The following AEN variants were observed in gnomAD, a reference collection of about 807,000 sequenced individuals.
AEN encodes the protein apoptosis enhancing nuclease.
Under a neutral mutation model 17.7 loss-of-function variants are expected in AEN, and 21 were observed. The ratio of observed to expected loss-of-function variants is 1.19; its 90% CI spans 0.84 to 1.71. The LOEUF (loss-of-function observed/expected upper bound fraction) is 1.71, where lower values mean the gene tolerates loss of function less well. Ranked by LOEUF, AEN falls within the 40% of genes most tolerant of loss-of-function variation. AEN has a pLI of 0.00. For missense variants in AEN, 462 were observed against 435.9 expected, an observed-to-expected ratio of 1.06 and a Z score of -0.53; for synonymous variants, 190 against 173.0, an observed-to-expected ratio of 1.10 and a Z score of -0.77.
At chr15:88,607,861 G>T in the AEN span, among the ~76,000 whole-genome samples, 1 of 152,186 alleles carries the variant, frequency 6.6e-6, no homozygotes, top group African/African-American at 2.4e-5. Context: ...CTTTTAAAAT[G>T]CTTTTCTCTC....
In AEN at chr15:88,630,839, A is replaced by C. The variant is rs2057918848; in HGVS notation, c.*545A>C. 1 of 247,506 alleles carries C rather than the reference A, an allele frequency of 4.0e-6. No homozygotes were observed. Among genetic ancestry groups the C allele is most frequent in the Non-Finnish European group, 8.4e-6 (1 of 118,752 alleles). The allele number at this position is 247,506 out of a possible 1,614,324, so 15.3% of individuals were successfully genotyped here. ...ATGTCCTGAAGTTAAAGAGGAGTTA[A>C]GTCCTAAAGGAGGCATTTCTTCCCC... On this transcript the variant is annotated 3_prime_UTR_variant, in exon 4 of 4. Coordinates refer to ENST00000332810, the MANE Select transcript of AEN (RefSeq NM_022767.4). This position sits in a 1 kb window ranked among gnomAD's most constrained non-coding sequence, Gnocchi z 5.1.
At position 88,626,231 on chromosome 15, in the gene AEN, G is replaced by T; in HGVS notation, c.22G>T (p.Glu8Ter). MVPREAP[E>*]SAQCLCPSLT... ...TGGAATGGTACCCCGGGAGGCCCCT[G>T]AGTCTGCTCAGTGCCTGTGCCCTTC... Residue 8 changes from glutamate to a stop codon, truncating the protein, a stop_gained, in exon 2 of 4, where the codon GAG (glutamate) becomes TAG (stop). Coordinates refer to ENST00000332810, the MANE Select transcript of AEN (RefSeq NM_022767.4). LOFTEE classifies it high-confidence loss of function. 6.3e-7 allele frequency: 1 copy of T among 1,597,682 alleles called. No homozygotes were observed. Among genetic ancestry groups the T allele is most frequent in the South Asian group, 1.1e-5 (1 of 89,778 alleles).
chr15:88,630,839 A>G lies in AEN; in HGVS notation c.*545A>G. The G allele has an allele frequency of 4.0e-6, 1 of 247,624 alleles. No homozygotes were observed. Among genetic ancestry groups the G allele is most frequent in the South Asian group, 4.5e-5 (1 of 22,136 alleles). The allele number at this position is 247,624 out of a possible 1,614,324, so 15.3% of individuals were successfully genotyped here. ...ATGTCCTGAAGTTAAAGAGGAGTTA[A>G]GTCCTAAAGGAGGCATTTCTTCCCC... On this transcript the variant is annotated 3_prime_UTR_variant, in exon 4 of 4. Transcript: ENST00000332810. The surrounding 1 kb of genome is among the most constrained non-coding windows in gnomAD (Gnocchi z 5.1).
At chr15:88,615,486 G>A in the AEN span, among the ~76,000 whole-genome samples, 7 of 152,118 alleles carry the variant, frequency 4.6e-5, no homozygotes, top group Middle Eastern at 3.2e-3. Flanking sequence ...GGGGAGCTGC[G>A]TGCATAAAAC....
In AEN at chr15:88,630,884, C is replaced by CT. The variant is rs956824597; in HGVS notation, c.*591dup. On this transcript the variant is annotated 3_prime_UTR_variant, in exon 4 of 4. Transcript: ENST00000332810. This position sits in a 1 kb window ranked among gnomAD's most constrained non-coding sequence, Gnocchi z 5.1. ...TTCCCCACCTCCCTGACCTGGAACT[C>CT]TGGCTACAGCCATTGTAGGAACTCC... 16 of 283,956 alleles carry CT rather than the reference C, an allele frequency of 5.6e-5. No homozygotes were observed. The highest frequency in any genetic ancestry group is 3.3e-4 in the African/African-American group (15 of 45,896). 17.6% of individuals were successfully genotyped at this position (283,956 alleles called of 1,614,324 possible).
chr15:88,626,032 G>C lies in AEN; in HGVS notation c.-64-114G>C, dbSNP rs534598900. 1,788 of 650,456 alleles carry C rather than the reference G, an allele frequency of 2.7e-3. 3 individuals are homozygous for C. Among genetic ancestry groups the C allele is most frequent in the Non-Finnish European group, 4.0e-3 (1,606 of 403,656 alleles). The allele number at this position is 650,456 out of a possible 1,614,324, so 40.3% of individuals were successfully genotyped here. On this transcript the variant is annotated intron_variant, in intron 1 of 3. Transcript: ENST00000332810. ...ACTCAATCTGGGAGCCACGAGCTAC[G>C]GTGCAGGGCTCTCGGGCATCCCCAC...
chr15:88,611,808 C>T, the AEN span: 24 of 487,530 alleles, frequency 4.9e-5, no homozygotes, highest in African/African-American at 1.8e-4. Flanking sequence ...GGTCCTCGAA[C>T]GCCTTGCAGA....
At chr15:88,605,313 C>T in the AEN span, among the ~76,000 whole-genome samples, 5 of 152,296 alleles carry the variant, frequency 3.3e-5, no homozygotes, top group African/African-American at 1.2e-4. The surrounding 1 kb of genome is among the most constrained non-coding windows in gnomAD (Gnocchi z 7.6). Context: ...CGGGAGCCGG[C>T]TCTCGCAACC....
At chr15:88,610,309 T>A in the AEN span, among the ~76,000 whole-genome samples, 1 of 146,244 alleles carries the variant, frequency 6.8e-6, no homozygotes, top group Non-Finnish European at 1.5e-5. Flanking sequence ...ACGGGGCTAT[T>A]TTTTTTTTTT....
chr15:88,607,033 T>C, the AEN span, among the ~76,000 whole-genome samples: 5 of 152,180 alleles, frequency 3.3e-5, no homozygotes, highest in Non-Finnish European at 7.3e-5. Context: ...GTGTCTACTG[T>C]AGAGAGAAAC....
At chr15:88,618,796 TATTTATTC>T (rs1443618441), upstream of AEN, among the ~76,000 whole-genome samples, 46 of 152,192 alleles carry the variant, frequency 3.0e-4, 2 homozygotes, top group Non-Finnish European at 4.4e-5. Context: ...TGTATTTATT[TATTTATTC>T]ATTTATTTGT....
At position 88,629,156 on chromosome 15, in the gene AEN, CT is replaced by C. The variant is rs375820344; in HGVS notation, c.541-69del. The C allele has an allele frequency of 4.7e-4, 699 of 1,499,750 alleles. 5 individuals carry two copies. In the African/African-American group the frequency reaches 8.6e-3, roughly 18 times the overall value. The allele number at this position is 1,499,750 out of a possible 1,614,324, so 92.9% of individuals were successfully genotyped here. On this transcript the variant is annotated intron_variant, in intron 2 of 3. Coordinates refer to ENST00000332810, the MANE Select transcript of AEN (RefSeq NM_022767.4). Reference sequence around the variant, plus strand: ...TCCATGCATCTATTGGCCAGGGGTTCTCAGGGCGTGTCTCCTGCCAACCTGA... The same window carrying C: ...TCCATGCATCTATTGGCCAGGGGTTCCAGGGCGTGTCTCCTGCCAACCTGA...
At chr15:88,604,815 CGCACTGCGCTGCTACTT>C in the AEN span, 1 of 152,514 alleles carries the variant, frequency 6.6e-6, no homozygotes, top group Non-Finnish European at 1.5e-5. This position sits in a 1 kb window ranked among gnomAD's most constrained non-coding sequence, Gnocchi z 8.1. Context: ...CCCCCTCCCC[CGCACTGCGCTGCTACTT>C]GCACTGCGGC....
At position 88,631,657 on chromosome 15, in the gene AEN, CTT is replaced by C. The variant is rs576578123; in HGVS notation, c.*1374_*1375del. On this transcript the variant is annotated 3_prime_UTR_variant, in exon 4 of 4. Coordinates refer to ENST00000332810, the MANE Select transcript of AEN (RefSeq NM_022767.4). Reference sequence around the variant, plus strand: ...CTACTGTGAGTTTCTGTTTATCCCCCTTTTTTTTTTTTAAGCCCATTGTTTAT... The same window carrying C: ...CTACTGTGAGTTTCTGTTTATCCCCCTTTTTTTTTTAAGCCCATTGTTTAT... The C allele has an allele frequency of 2.0e-5, 3 of 146,678 alleles. No individual in the cohort carries two copies. The highest frequency in any genetic ancestry group is 3.0e-5 in the Non-Finnish European group (2 of 66,390). The allele number at this position is 146,678 out of a possible 1,614,324, so 9.1% of individuals were successfully genotyped here. A position where few individuals can be genotyped will look rare whatever the true frequency, so the allele number is the denominator to read the frequency against.
At position 88,629,367 on chromosome 15, in the gene AEN, A is replaced by T; in HGVS notation, c.682A>T (p.Thr228Ser). Residue 228 changes from threonine to serine, a missense_variant, in exon 3 of 4, where the codon ACC becomes TCC. Thr to Ser is a moderately conservative substitution (Grantham distance 58, BLOSUM62 1). Coordinates refer to ENST00000332810, the MANE Select transcript of AEN (RefSeq NM_022767.4). ...CTTCCTCAGCGAGCCCGGCCTCCAC[A>T]CCCGGGCCCGGGTCTCTCTAAAGGA... is the stretch of plus-strand genomic sequence containing the variant. ...PNFLSEPGLH[T>S]RARVSLKDLA... 2 of 1,613,804 alleles carry T rather than the reference A, an allele frequency of 1.2e-6. No homozygotes were observed. The highest frequency in any genetic ancestry group is 1.7e-6 in the Non-Finnish European group (2 of 1,179,912).
At chr15:88,629,548 G>A (rs1204402908) in intron 3 of AEN, 122 bp downstream of exon 3, 2 of 1,229,536 alleles carry the variant, frequency 1.6e-6, no homozygotes, top group African/African-American at 1.5e-5. Context: ...CCTAGTCCAG[G>A]TCCAGGGACC....
the AEN span, among the ~76,000 whole-genome samples, chr15:88,607,831 C>T: frequency 1.3e-5 from 2 of 152,034 alleles, no homozygotes; most frequent in African/African-American, 2.4e-5. Context: ...GATAGTTTTG[C>T]GGGTATTTAC....
intron 2 of AEN, chr15:88,627,871 A>G (rs1480993514): frequency 1.3e-5 from 2 of 152,170 alleles, no homozygotes; most frequent in East Asian, 1.9e-4. Context: ...ACAAATCTGC[A>G]TTTTCTAAAC....
chr15:88,615,622 AC>A, the AEN span, among the ~76,000 whole-genome samples: 1 of 151,682 alleles, frequency 6.6e-6, no homozygotes, highest in East Asian at 1.9e-4. Context: ...GCTGGGCCCC[AC>A]CCCCTAATTT....
Sources: gnomAD v4.1 joint callset for allele counts (sites outside exome capture counted in the v4.1 genomes callset) on GRCh38, gnomAD v4.1.1 for gene constraint, Gnocchi (gnomAD v3.1) non-coding constraint, MANE v1.5 for transcripts, NCBI Gene and HGNC (gene_info 2026-07-23, HGNC 2026-07-21) for gene names.